TRIO: variants seen among roughly 807,000 people sequenced by gnomAD.
TRIO encodes trio Rho guanine nucleotide exchange factor.
A neutral mutation model predicts 351.9 loss-of-function variants in TRIO; 58 were observed. The observed-to-expected ratio is 0.16, with a 90% confidence interval of 0.13 to 0.21. TRIO has a LOEUF of 0.21. Ranked by LOEUF, TRIO falls within the 10% of genes least tolerant of loss-of-function variation. The pLI, the probability that TRIO is intolerant of heterozygous loss-of-function variation, is 1.00. For missense variants in TRIO, 3,201 were observed against 4,027.8 expected, an observed-to-expected ratio of 0.79 and a Z score of 5.56; for synonymous variants, 1,758 against 1,595.7, an observed-to-expected ratio of 1.10 and a Z score of -2.42.
At chr5:14,379,496 G>A (rs997338243) in intron 20 of TRIO, among the ~76,000 whole-genome samples, 2 of 152,144 alleles carry the variant, frequency 1.3e-5, no homozygotes, top group African/African-American at 4.8e-5. Flanking sequence ...TCTCCTCCTG[G>A]TGACGTTCCA....
chr5:14,374,652 A>T (rs1188282401), intron 19 of TRIO, among the ~76,000 whole-genome samples: 2 of 152,182 alleles, frequency 1.3e-5, no homozygotes, highest in Non-Finnish European at 2.9e-5. Context: ...AAAAATAAAT[A>T]GGGGGAAAGG....
intron 49 of TRIO, among the ~76,000 whole-genome samples, chr5:14,494,983 G>T (rs375107932): frequency 6.6e-6 from 1 of 152,376 alleles, no homozygotes; most frequent in South Asian, 2.1e-4. Flanking sequence ...TCTGGGCAAA[G>T]TAAATTGAAA....
At chr5:14,180,410 A>C (rs1454445529) in intron 1 of TRIO, among the ~76,000 whole-genome samples, 1 of 152,252 alleles carries the variant, frequency 6.6e-6, no homozygotes, top group Non-Finnish European at 1.5e-5. Flanking sequence ...GAAAGCTGTT[A>C]GTATTCTTAA....
chr5:14,170,419 A>T (rs1374607510), intron 1 of TRIO, among the ~76,000 whole-genome samples: 1 of 152,012 alleles, frequency 6.6e-6, no homozygotes, highest in Admixed American at 6.6e-5. Flanking sequence ...ACTTTTATTT[A>T]AAACAATCTT....
chr5:14,375,047 T>G (rs1179772943), intron 19 of TRIO, among the ~76,000 whole-genome samples: 1 of 152,216 alleles, frequency 6.6e-6, no homozygotes, highest in African/African-American at 2.4e-5. Flanking sequence ...CTCACACTTT[T>G]CAAAACAATA....
intron 2 of TRIO, 100 bp downstream of exon 2, chr5:14,270,999 T>C (rs1036310207): frequency 5.9e-6 from 5 of 841,562 alleles, no homozygotes; most frequent in Admixed American, 5.1e-5. Context: ...TATAAAAACA[T>C]TGGCATTTCT....
chr5:14,465,546 C>T lies in TRIO; in HGVS notation c.5669C>T (p.Ala1890Val). 1 of 1,613,974 alleles carries T rather than the reference C, an allele frequency of 6.2e-7. No individual in the cohort carries two copies. Among genetic ancestry groups the T allele is most frequent in the Non-Finnish European group, 8.5e-7 (1 of 1,179,996 alleles). The part of the protein sequence containing the change: ...LLQPDSQDDK[A>V]SSRLLVRPTS... ...TCCTTTTCTTAATTTCTTCTGTAGG[C>T]CTCTTCTCGGTTATTAGTCCGCCCC... The change falls in exon 37 of 57, where the codon GCC becomes GTC. Residue 1890 changes from alanine to valine, a missense_variant and splice_region_variant. By Grantham distance (64) the Ala-to-Val change is moderately conservative. Coordinates refer to ENST00000344204, the MANE Select transcript of TRIO (RefSeq NM_007118.4).
intron 34 of TRIO, among the ~76,000 whole-genome samples, chr5:14,449,186 T>C (rs1752660947): frequency 6.6e-6 from 1 of 152,218 alleles, no homozygotes; most frequent in African/African-American, 2.4e-5. Flanking sequence ...GAGCCATCAA[T>C]CTGAGTCTGC....
intron 34 of TRIO, among the ~76,000 whole-genome samples, chr5:14,436,457 T>C (rs1751595424): frequency 6.6e-6 from 1 of 152,124 alleles, no homozygotes; most frequent in Admixed American, 6.5e-5. Context: ...CCCTGGTCCC[T>C]CCCAAATCTC....
rs1193475326 is a variant in TRIO at position 14,163,078 on chromosome 5, G to A, written c.157+19196G>A. On this transcript the variant is annotated intron_variant, in intron 1 of 56. Coordinates refer to ENST00000344204, the MANE Select transcript of TRIO (RefSeq NM_007118.4). ...TTTGTTACATAGGTATACACATGCC[G>A]TGGTGGTTTGTTACACCTATCAACT... Among the ~76,000 whole-genome samples the A allele has an allele frequency of 5.3e-5, 8 of 152,274 alleles. No individual in the cohort carries two copies. In the South Asian group the frequency reaches 1.2e-3, roughly 24 times the overall value.
chr5:14,286,784 C>G lies in TRIO; in HGVS notation c.348-87C>G. The G allele has an allele frequency of 7.0e-7, 1 of 1,435,344 alleles. No homozygotes were observed. Among genetic ancestry groups the G allele is most frequent in the Non-Finnish European group, 9.4e-7 (1 of 1,059,964 alleles). The allele number at this position is 1,435,344 out of a possible 1,614,324, so 88.9% of individuals were successfully genotyped here. On this transcript the variant is annotated intron_variant, in intron 3 of 56. Transcript: ENST00000344204. This position sits in a 1 kb window ranked among gnomAD's most constrained non-coding sequence, Gnocchi z 4.4. Reference sequence around the variant, plus strand: ...GCACGTGTCCAGCAGGGGAGGGAAGCTGGGTCTGTGGCACCCAGTGGGACT... The same window carrying G: ...GCACGTGTCCAGCAGGGGAGGGAAGGTGGGTCTGTGGCACCCAGTGGGACT...
At chr5:14,485,392 C>A in intron 47 of TRIO, 146 bp downstream of exon 47, 1 of 817,672 alleles carries the variant, frequency 1.2e-6, no homozygotes, top group East Asian at 3.0e-5. Context: ...TGCTTTATTT[C>A]ATCTTCACAA....
chr5:14,229,365 A>G (rs535237123), intron 1 of TRIO, among the ~76,000 whole-genome samples: 33 of 152,354 alleles, frequency 2.2e-4, no homozygotes, highest in African/African-American at 7.9e-4. Context: ...GTGAAACTTC[A>G]TTTACAAATG....
At chr5:14,478,576 T>G (rs1378631621) in intron 41 of TRIO, among the ~76,000 whole-genome samples, 1 of 152,130 alleles carries the variant, frequency 6.6e-6, no homozygotes, top group Non-Finnish European at 1.5e-5. Context: ...TTAAAGAGCT[T>G]CTTCTCTACT....
intron 49 of TRIO, among the ~76,000 whole-genome samples, chr5:14,495,658 GAAAAAAAAAAAA>G (rs56018324): frequency 0.024 from 782 of 32,616 alleles, 16 homozygotes; most frequent in African/African-American, 0.076. Context: ...GTCTCTACTA[GAAAAAAAAAAAA>G]AAAAAAAAAA....
At chr5:14,268,247 A>G (rs1177804814) in intron 1 of TRIO, among the ~76,000 whole-genome samples, 1 of 152,212 alleles carries the variant, frequency 6.6e-6, no homozygotes, top group Non-Finnish European at 1.5e-5. Flanking sequence ...TCAAATCAAT[A>G]TGCTATTCCT....
chr5:14,204,133 T>A (rs1791315389), intron 1 of TRIO, among the ~76,000 whole-genome samples: 1 of 152,238 alleles, frequency 6.6e-6, no homozygotes, highest in African/African-American at 2.4e-5. Flanking sequence ...TCTTGGGAAA[T>A]GCTTGTTTTG....
chr5:14,413,589 G>C (rs1749379503), intron 33 of TRIO, among the ~76,000 whole-genome samples: 1 of 152,198 alleles, frequency 6.6e-6, no homozygotes, highest in South Asian at 2.1e-4. Context: ...GTGGCTTTTT[G>C]TATATTTTTT....
intron 36 of TRIO, among the ~76,000 whole-genome samples, chr5:14,464,539 T>G (rs1272815469): frequency 2.0e-5 from 3 of 152,252 alleles, no homozygotes; most frequent in Non-Finnish European, 4.4e-5. Context: ...GTGTCTGTTT[T>G]GGCTCAATTT....
Sources: allele counts gnomAD v4.1 joint callset (sites outside exome capture counted in the v4.1 genomes callset), GRCh38; gene constraint gnomAD v4.1.1; non-coding constraint Gnocchi (gnomAD v3.1); transcripts MANE v1.5; gene names NCBI Gene and HGNC (gene_info 2026-07-23, HGNC 2026-07-21).